CFTR: variants seen among roughly 807,000 people sequenced by gnomAD.
CFTR encodes cystic fibrosis transmembrane conductance regulator.
CFTR carries 181 observed loss-of-function variants against 171.6 expected under a neutral mutation model. The observed-to-expected ratio is 1.05, with a 90% confidence interval of 0.93 to 1.19. CFTR has a LOEUF of 1.19. Among genes scored for constraint, CFTR ranks in the 50% most tolerant of loss-of-function variants. The probability of loss-of-function intolerance (pLI) is 0.00; values close to 1 mark genes in which losing one functional copy is unlikely to be tolerated. For missense variants in CFTR, 1,968 were observed against 1,734.7 expected, an observed-to-expected ratio of 1.13 and a Z score of -2.39; for synonymous variants, 583 against 608.0, an observed-to-expected ratio of 0.96 and a Z score of 0.60.
intron 22 of CFTR, among the ~76,000 whole-genome samples, chr7:117,630,186 A>G (rs549740860): frequency 9.8e-5 from 15 of 152,306 alleles, no homozygotes; most frequent in African/African-American, 2.6e-4. Flanking sequence ...TTATAATTCT[A>G]TAATCTTTAT....
In CFTR at chr7:117,540,181, G is replaced by A; in HGVS notation, c.951G>A (p.Val317=). Residue 317 remains valine, a synonymous_variant, in exon 8 of 27, where the codon GTG becomes GTA. Transcript: ENST00000003084. ...CCTTCTTCTTCTCAGGGTTCTTTGT[G>A]GTGTTTTTATCTGTGCTTCCCTATG... ...SSAFFFSGFF[V]VFLSVLPYAL... is the part of the protein sequence containing the mutation. 6.2e-7 allele frequency: 1 copy of A among 1,613,982 alleles called. No individual in the cohort carries two copies. Among genetic ancestry groups the A allele is most frequent in the Non-Finnish European group, 8.5e-7 (1 of 1,179,928 alleles).
intron 10 of CFTR, among the ~76,000 whole-genome samples, chr7:117,552,646 C>T (rs1205628577): frequency 6.6e-6 from 1 of 152,042 alleles, no homozygotes; most frequent in Non-Finnish European, 1.5e-5. Context: ...TTCCCTCATC[C>T]AACCAAGGTA....
rs193922731 is a variant in CFTR, at chr7:117,610,531, G to A, written c.3001G>A (p.Val1001Met). ...TTTGATCTTACAGTTGTTATTAATT[G>A]TGATTGGAGCTATAGCAGTTGTCGC... ...IFDFIQLLLI[V>M]IGAIAVVAVL... The change falls in exon 19 of 27, where the codon GTG (valine) becomes ATG (methionine). Residue 1001 changes from valine to methionine, a missense_variant. By Grantham distance (21) the Val-to-Met change is conservative. Transcript: ENST00000003084. 6.2e-7 allele frequency: 1 copy of A among 1,611,962 alleles called. No homozygotes were observed. The highest frequency in any genetic ancestry group is 1.3e-5 in the African/African-American group (1 of 74,612).
chr7:117,551,691 C>T (rs1328544262), intron 10 of CFTR, among the ~76,000 whole-genome samples: 1 of 152,142 alleles, frequency 6.6e-6, no homozygotes, highest in African/African-American at 2.4e-5. Flanking sequence ...ATGTCTTGCG[C>T]TTATGAAACT....
intron 24 of CFTR, among the ~76,000 whole-genome samples, chr7:117,659,916 A>C (rs995086141): frequency 6.6e-6 from 1 of 152,162 alleles, no homozygotes; most frequent in Non-Finnish European, 1.5e-5. Context: ...ATTCACTTTT[A>C]TGATTTTTTT....
At chr7:117,511,057 T>G (rs1798509939) in intron 3 of CFTR, among the ~76,000 whole-genome samples, 1 of 152,156 alleles carries the variant, frequency 6.6e-6, no homozygotes, top group Non-Finnish European at 1.5e-5. Context: ...TATATAATTA[T>G]AATTATAATG....
rs368967922 is a variant in CFTR at position 117,603,679 on chromosome 7, A to G, written c.2805A>G (p.Leu935=). 50 of 1,614,004 alleles carry G rather than the reference A, an allele frequency of 3.1e-5. No individual in the cohort carries two copies. The highest frequency in any genetic ancestry group is 6.7e-5 in the African/African-American group (5 of 74,928). The change falls in exon 17 of 27, where the codon CTA becomes CTG. Residue 935 remains leucine (L), a synonymous_variant. Coordinates refer to ENST00000003084, the MANE Select transcript of CFTR (RefSeq NM_000492.4). ...TTGCTATGGGATTCTTCAGAGGTCT[A>G]CCACTGGTGCATACTCTAATCACAG... is the stretch of plus-strand genomic sequence containing the variant. ...TLLAMGFFRG[L]PLVHTLITVS... is the part of the protein sequence containing the mutation.
Position 117,509,084 on chromosome 7 carries a change from C to T in CFTR, c.215C>T (p.Ala72Val), listed in dbSNP as rs397508347. 1 of 1,613,016 alleles carries T rather than the reference C, an allele frequency of 6.2e-7. No individual in the cohort carries two copies. The highest frequency in any genetic ancestry group is 1.7e-5 in the Admixed American group (1 of 60,008). The change falls in exon 3 of 27, where the codon GCC (alanine) becomes GTC (valine). Residue 72 changes from alanine (A) to valine (V), a missense_variant. Ala to Val is a moderately conservative substitution (Grantham distance 64). Transcript: ENST00000003084. ...AAGAAAAATCCTAAACTCATTAATG[C>T]CCTTCGGCGATGTTTTTTCTGGAGA... ...ASKKNPKLIN[A>V]LRRCFFWRFM...
chr7:117,608,317 G>C (rs765226758), intron 18 of CFTR, among the ~76,000 whole-genome samples: 6 of 151,954 alleles, frequency 3.9e-5, no homozygotes, highest in Non-Finnish European at 5.9e-5. Flanking sequence ...CGATTCTCTC[G>C]CATCAGCCTC....
chr7:117,482,106 T>C (rs1798008225), intron 1 of CFTR, among the ~76,000 whole-genome samples: 1 of 152,228 alleles, frequency 6.6e-6, no homozygotes, highest in Non-Finnish European at 1.5e-5. Flanking sequence ...TTGAGTATAA[T>C]TTTGTGACTC....
chr7:117,587,349 T>C (rs1791951379), intron 11 of CFTR, among the ~76,000 whole-genome samples: 1 of 152,156 alleles, frequency 6.6e-6, no homozygotes, highest in South Asian at 2.1e-4. Context: ...GAGATTTCTT[T>C]TGAAAAGAGT....
rs1798067716 is a variant in CFTR, at chr7:117,485,968, T to C, written c.53+5821T>C. Among the ~76,000 whole-genome samples, 5 of 152,128 alleles carry C rather than the reference T, an allele frequency of 3.3e-5. No individual in the cohort carries two copies. In the South Asian group the frequency reaches 8.3e-4, roughly 25 times the overall value. On this transcript the variant is annotated intron_variant, in intron 1 of 26. Transcript: ENST00000003084. ...GAGACCTGTGTCTATTGTAGATCGA[T>C]GACATTCAACAGTCCTGCAGTGCTG...
At chr7:117,570,535 T>C (rs1791674273) in intron 11 of CFTR, among the ~76,000 whole-genome samples, 1 of 152,180 alleles carries the variant, frequency 6.6e-6, no homozygotes, top group Non-Finnish European at 1.5e-5. Context: ...GTTTATGAAA[T>C]ATTGTTATTC....
chr7:117,608,502 T>G (rs1006660829), intron 18 of CFTR, among the ~76,000 whole-genome samples: 4 of 152,214 alleles, frequency 2.6e-5, no homozygotes, highest in Non-Finnish European at 5.9e-5. Flanking sequence ...TGTGAGCCAC[T>G]GCACCAGGCC....
At chr7:117,535,649 C>T (rs1584787230) in intron 6 of CFTR, among the ~76,000 whole-genome samples, 4 of 151,616 alleles carry the variant, frequency 2.6e-5, no homozygotes, top group African/African-American at 7.3e-5. Context: ...ATTCTCCTGC[C>T]TCAGCCTCCG....
intron 21 of CFTR, among the ~76,000 whole-genome samples, chr7:117,623,600 T>G (rs986392110): frequency 7.2e-5 from 11 of 152,226 alleles, no homozygotes; most frequent in Non-Finnish European, 1.0e-4. Context: ...CAATAGGTTG[T>G]AACTTCCATC....
chr7:117,594,786 G>T lies in CFTR; in HGVS notation c.2491-144G>T, dbSNP rs1358886003. 7.0e-6 allele frequency: 5 copies of T among 709,730 alleles called. No individual in the cohort carries two copies. In the South Asian group the frequency reaches 8.9e-5, roughly 13 times the overall value. 44.0% of individuals were successfully genotyped at this position (709,730 alleles called of 1,614,324 possible). On this transcript the variant is annotated intron_variant, in intron 14 of 26. Transcript: ENST00000003084. ...CTGGCTATAGAATGACATCATACAT[G>T]GCATTTATAATGATTTATATTTGTT...
intron 3 of CFTR, among the ~76,000 whole-genome samples, chr7:117,510,725 G>A (rs1484463095): frequency 6.6e-6 from 1 of 152,134 alleles, no homozygotes; most frequent in Admixed American, 6.6e-5. Context: ...AAGTTTGTAT[G>A]ATACATGGAC....
At chr7:117,549,132 C>T (rs1187247849) in intron 10 of CFTR, among the ~76,000 whole-genome samples, 1 of 152,170 alleles carries the variant, frequency 6.6e-6, no homozygotes, top group African/African-American at 2.4e-5. Context: ...CCATTTTATC[C>T]ATTCTTAACC....
Sources: allele counts gnomAD v4.1 joint callset (sites outside exome capture counted in the v4.1 genomes callset), GRCh38; gene constraint gnomAD v4.1.1; transcripts MANE v1.5; gene names NCBI Gene and HGNC (gene_info 2026-07-23, HGNC 2026-07-21).